Variants in TAFA1 observed in about 807,000 individuals in gnomAD.
TAFA1 encodes chemokine-like protein TAFA-1.
TAFA1 carries 4 observed loss-of-function variants against 18.5 expected under a neutral mutation model. That is an observed-to-expected ratio of 0.22 (90% confidence interval 0.11 to 0.49). The LOEUF (loss-of-function observed/expected upper bound fraction) is 0.49, where lower values mean the gene tolerates loss of function less well. Ranked by LOEUF, TAFA1 falls within the 20% of genes least tolerant of loss-of-function variation. The probability of loss-of-function intolerance (pLI) is 0.98; values close to 1 mark genes in which losing one functional copy is unlikely to be tolerated. For missense variants in TAFA1, 147 were observed against 169.0 expected, an observed-to-expected ratio of 0.87 and a Z score of 0.72; for synonymous variants, 56 against 55.2, an observed-to-expected ratio of 1.01 and a Z score of -0.06.
At position 68,373,092 on chromosome 3, in the gene TAFA1, G is replaced by A. The variant is rs531138108; in HGVS notation, c.119-44188G>A. Among the ~76,000 whole-genome samples the A allele has an allele frequency of 7.0e-4, 107 of 152,164 alleles. 1 individual carries two copies. Among genetic ancestry groups the A allele is most frequent in the African/African-American group, 2.4e-3 (100 of 41,524 alleles). On this transcript the variant is annotated intron_variant, in intron 2 of 4. Transcript: ENST00000478136. ...ACATAGATACTGCTTTTTTTCCACT[G>A]GTGCAATTCCAGCCCCTAACACAGT...
At chr3:68,543,574 C>G (rs898269728) in intron 4 of TAFA1, among the ~76,000 whole-genome samples, 2 of 152,112 alleles carry the variant, frequency 1.3e-5, no homozygotes, top group African/African-American at 4.8e-5. Context: ...TGGCCCAACA[C>G]AAATCCACCT....
At chr3:68,520,970 TA>T (rs1156373683) in intron 3 of TAFA1, among the ~76,000 whole-genome samples, 12 of 152,202 alleles carry the variant, frequency 7.9e-5, no homozygotes, top group Non-Finnish European at 1.6e-4. Flanking sequence ...AGGATTGTGT[TA>T]GGTGGCAAGT....
chr3:68,065,832 A>G (rs2064670001), intron 2 of TAFA1, among the ~76,000 whole-genome samples: 1 of 151,680 alleles, frequency 6.6e-6, no homozygotes, highest in Non-Finnish European at 1.5e-5. Context: ...TATTAGCTAA[A>G]AATTGAAAAC....
chr3:68,055,709 G>A (rs1357605983), intron 2 of TAFA1, among the ~76,000 whole-genome samples: 2 of 152,026 alleles, frequency 1.3e-5, no homozygotes, highest in Admixed American at 6.6e-5. Flanking sequence ...GAGGGTTAAG[G>A]AGAATCTGAG....
intron 2 of TAFA1, chr3:68,145,551 C>T (rs200691639): frequency 1.5e-6 from 2 of 1,377,898 alleles, no homozygotes; most frequent in Admixed American, 3.4e-5. Flanking sequence ...ATTCCCTTAT[C>T]AGAGCCTGCT....
At chr3:68,085,574 A>G (rs1487782595) in intron 2 of TAFA1, among the ~76,000 whole-genome samples, 1 of 152,212 alleles carries the variant, frequency 6.6e-6, no homozygotes, top group Non-Finnish European at 1.5e-5. Flanking sequence ...CTTGATGGTT[A>G]TCATCACTCC....
rs370004390 is a variant in TAFA1, at chr3:68,080,360, G to T, written c.118+73616G>T. ...TGTGAATTTGATCCTGTCATTATGA[G>T]GTTAGCTGGTTATTTTGCTCGTTAG... On this transcript the variant is annotated intron_variant, in intron 2 of 4. Transcript: ENST00000478136. 1.9e-4 allele frequency among the ~76,000 whole-genome samples: 29 copies of T among 151,610 alleles called. No homozygotes were observed. The East Asian group carries it at 2.7e-3, about 14-fold the overall frequency.
intron 3 of TAFA1, among the ~76,000 whole-genome samples, chr3:68,496,875 T>A (rs1406578637): frequency 6.6e-6 from 1 of 152,174 alleles, no homozygotes; most frequent in South Asian, 2.1e-4. Flanking sequence ...ATAAATAATA[T>A]AACATACAGT....
intron 2 of TAFA1, among the ~76,000 whole-genome samples, chr3:68,152,127 G>A (rs890682343): frequency 6.6e-6 from 1 of 152,110 alleles, no homozygotes; most frequent in Non-Finnish European, 1.5e-5. Context: ...GGCCTTAGAA[G>A]CAGGATTTGA....
At chr3:68,025,843 A>G (rs1224372689) in intron 2 of TAFA1, among the ~76,000 whole-genome samples, 1 of 152,092 alleles carries the variant, frequency 6.6e-6, no homozygotes, top group African/African-American at 2.4e-5. Context: ...AGAACTGCAC[A>G]TCTCCATTCT....
chr3:68,530,208 A>T (rs952518533), intron 3 of TAFA1, among the ~76,000 whole-genome samples: 3 of 152,204 alleles, frequency 2.0e-5, no homozygotes, highest in Non-Finnish European at 4.4e-5. Flanking sequence ...TAGTCAATAT[A>T]ATGTTTATTT....
At chr3:68,102,518 C>G (rs185330099) in intron 2 of TAFA1, among the ~76,000 whole-genome samples, 3 of 152,162 alleles carry the variant, frequency 2.0e-5, no homozygotes, top group Non-Finnish European at 2.9e-5. Context: ...AAGGCTGGCT[C>G]TCATATTTTT....
chr3:68,049,818 T>A (rs1332662281), intron 2 of TAFA1, among the ~76,000 whole-genome samples: 1 of 152,022 alleles, frequency 6.6e-6, no homozygotes, highest in East Asian at 1.9e-4. Context: ...TTCTGCATAT[T>A]TTTTTTCCAC....
intron 2 of TAFA1, among the ~76,000 whole-genome samples, chr3:68,252,528 C>A (rs552155857): frequency 6.6e-6 from 1 of 152,292 alleles, no homozygotes; most frequent in Non-Finnish European, 1.5e-5. Flanking sequence ...GGCAAGAGCT[C>A]TCCAGTTCTC....
the TAFA1 span, among the ~76,000 whole-genome samples, chr3:67,992,884 C>G: frequency 6.6e-6 from 1 of 152,194 alleles, no homozygotes. Context: ...ATCCCCTCCT[C>G]CCCTGTGTTC....
intron 2 of TAFA1, among the ~76,000 whole-genome samples, chr3:68,141,817 C>T (rs1238302217): frequency 3.3e-5 from 5 of 152,180 alleles, no homozygotes; most frequent in African/African-American, 1.2e-4. Flanking sequence ...CTTTCCACTG[C>T]GCTTCTCATC....
At chr3:68,485,075 A>G (rs1433605740) in intron 3 of TAFA1, among the ~76,000 whole-genome samples, 1 of 152,180 alleles carries the variant, frequency 6.6e-6, no homozygotes, top group Admixed American at 6.5e-5. Context: ...CTACACACAA[A>G]GTAGCAATGA....
chr3:68,543,796 C>G (rs562171859), intron 4 of TAFA1, among the ~76,000 whole-genome samples: 1 of 152,048 alleles, frequency 6.6e-6, no homozygotes, highest in South Asian at 2.1e-4. Context: ...CCTTTGATAC[C>G]CTATTCAAGT....
At chr3:68,413,198 T>C (rs1332061504) in intron 2 of TAFA1, among the ~76,000 whole-genome samples, 5 of 152,210 alleles carry the variant, frequency 3.3e-5, no homozygotes, top group African/African-American at 1.2e-4. Context: ...TCTGTTCATA[T>C]CCTTTGCCCA....
Sources: gnomAD v4.1 joint callset for allele counts (sites outside exome capture counted in the v4.1 genomes callset) on GRCh38, gnomAD v4.1.1 for gene constraint, MANE v1.5 for transcripts, NCBI Gene and HGNC (gene_info 2026-07-23, HGNC 2026-07-21) for gene names.